Variants in GPR158 observed in about 807,000 individuals in gnomAD.
GPR158 encodes G protein-coupled receptor 158.
In GPR158, 30 loss-of-function variants were observed where a neutral mutation model predicts 78.2. The observed-to-expected ratio is 0.38, with a 90% CI of 0.29 to 0.52. The LOEUF is 0.52. GPR158 is among the 20% of genes least tolerant of loss of function. The pLI is 0.83. For missense variants in GPR158, 1,463 were observed against 1,523.5 expected (o/e 0.96, Z 0.66); for synonymous variants, 581 against 591.1 (o/e 0.98, Z 0.25).
intron 2 of GPR158, among the ~76,000 whole-genome samples, chr10:25,345,119 A>G (rs2130511189): frequency 6.6e-6 from 1 of 152,110 alleles, no homozygotes; most frequent in East Asian, 2.0e-4. Context: ...TCATTTGCCA[A>G]GTAACTAAGG....
chr10:25,387,417 T>G (rs1013112703), intron 2 of GPR158, among the ~76,000 whole-genome samples: 31 of 152,224 alleles, frequency 2.0e-4, no homozygotes, highest in Non-Finnish European at 3.7e-4. Context: ...CAGGAATACT[T>G]GTCTATTGTT....
intron 2 of GPR158, among the ~76,000 whole-genome samples, chr10:25,299,838 T>A (rs1433701870): frequency 6.6e-6 from 1 of 152,166 alleles, no homozygotes; most frequent in African/African-American, 2.4e-5. Context: ...TTATTTTTAT[T>A]TTTTTTGAGT....
chr10:25,367,434 T>G (rs1199854056), intron 2 of GPR158, among the ~76,000 whole-genome samples: 1 of 151,806 alleles, frequency 6.6e-6, no homozygotes, highest in Non-Finnish European at 1.5e-5. Context: ...CCCCCAGTTT[T>G]CCTTTGTTCT....
intron 2 of GPR158, among the ~76,000 whole-genome samples, chr10:25,309,438 G>T (rs953397030): frequency 3.9e-5 from 6 of 151,918 alleles, no homozygotes; most frequent in Admixed American, 3.9e-4. Flanking sequence ...AGAGTTTTCT[G>T]TATATTCTGG....
intron 5 of GPR158, among the ~76,000 whole-genome samples, chr10:25,505,594 G>A (rs1409876294): frequency 6.6e-6 from 1 of 152,104 alleles, no homozygotes; most frequent in Non-Finnish European, 1.5e-5. Context: ...CCTCTCAGTG[G>A]CATCTTATCA....
intron 2 of GPR158, among the ~76,000 whole-genome samples, chr10:25,372,550 C>G (rs1165125049): frequency 1.4e-5 from 2 of 146,886 alleles, no homozygotes; most frequent in Non-Finnish European, 3.0e-5. Context: ...GAGTTCATGT[C>G]CTTTGTAGGG....
chr10:25,492,839 TTA>T (rs896977617), intron 5 of GPR158, among the ~76,000 whole-genome samples: 1 of 149,314 alleles, frequency 6.7e-6, no homozygotes, highest in African/African-American at 2.4e-5. Flanking sequence ...TTGATACTAA[TTA>T]TATGTATTTT....
rs1276775466 is a variant in GPR158, at chr10:25,176,528, T to C, written c.902+206T>C. ...CCCCACGCCCGTCAGCTTCCGGCGC[T>C]CGGCGAAAGCCATTCATTCTCTCGG... On this transcript the variant is annotated intron_variant, in intron 1 of 10. Coordinates refer to ENST00000376351, the MANE Select transcript of GPR158 (RefSeq NM_020752.3). The surrounding 1 kb of genome is among the most constrained non-coding windows in gnomAD (Gnocchi z 6.3). Among the ~76,000 whole-genome samples, 1 of 152,134 alleles carries C rather than the reference T, an allele frequency of 6.6e-6. No individual in the cohort carries two copies. Among genetic ancestry groups the C allele is most frequent in the African/African-American group, 2.4e-5 (1 of 41,434 alleles).
intron 2 of GPR158, among the ~76,000 whole-genome samples, chr10:25,345,724 A>C (rs1855363067): frequency 6.6e-6 from 1 of 151,918 alleles, no homozygotes; most frequent in Non-Finnish European, 1.5e-5. Context: ...TTTTCACATC[A>C]GCTATGGACG....
At position 25,512,628 on chromosome 10, in the gene GPR158, C is replaced by T. The variant is rs186025196; in HGVS notation, c.1405-38348C>T. ...TGTTCCAGTTCTCAGGGGGAATGCT[C>T]TCAACTTTTCCCTGTTCGGTATAAT... On this transcript the variant is annotated intron_variant, in intron 5 of 10. Transcript: ENST00000376351. Among the ~76,000 whole-genome samples, 375 of 152,186 alleles carry T rather than the reference C, an allele frequency of 2.5e-3. 4 individuals carry two copies. The highest frequency in any genetic ancestry group is 8.7e-3 in the African/African-American group (360 of 41,504).
At chr10:25,509,700 C>A (rs940638929) in intron 5 of GPR158, among the ~76,000 whole-genome samples, 1 of 152,192 alleles carries the variant, frequency 6.6e-6, no homozygotes, top group East Asian at 1.9e-4. Flanking sequence ...AGCTGTATTG[C>A]CTTTTATTTT....
chr10:25,483,318 A>G lies in GPR158; in HGVS notation c.1404+16599A>G, dbSNP rs148347256. 2.1e-3 allele frequency among the ~76,000 whole-genome samples: 326 copies of G among 152,122 alleles called. 2 individuals are homozygous for G. The highest frequency in any genetic ancestry group is 7.4e-3 in the African/African-American group (307 of 41,520). On this transcript the variant is annotated intron_variant, in intron 5 of 10. Coordinates refer to ENST00000376351, the MANE Select transcript of GPR158 (RefSeq NM_020752.3). The stretch of plus-strand genomic sequence containing the variant: ...TAACACTGGGCTCTTCATTGTTCTC[A>G]AACCGACCAGGCACAATCCCACCTC...
chr10:25,352,596 A>T (rs549290158), intron 2 of GPR158, among the ~76,000 whole-genome samples: 24 of 152,030 alleles, frequency 1.6e-4, no homozygotes, highest in Non-Finnish European at 2.7e-4. Context: ...ATCAGAGTCT[A>T]TATGAATATC....
intron 2 of GPR158, among the ~76,000 whole-genome samples, chr10:25,352,535 CTT>C (rs758934488): frequency 3.9e-5 from 5 of 129,564 alleles, no homozygotes; most frequent in Admixed American, 1.4e-4. Context: ...GCAGAGATGA[CTT>C]TTGCTGATTG....
At chr10:25,434,001 T>TAA (rs1383555465) in intron 4 of GPR158, among the ~76,000 whole-genome samples, 1 of 151,628 alleles carries the variant, frequency 6.6e-6, no homozygotes, top group African/African-American at 2.4e-5. Flanking sequence ...CTACTAAAAA[T>TAA]AAAAAAAATT....
At chr10:25,241,185 CT>C (rs1564399425) in intron 2 of GPR158, among the ~76,000 whole-genome samples, 39 of 78,750 alleles carry the variant, frequency 5.0e-4, no homozygotes, top group African/African-American at 1.9e-3. Flanking sequence ...TTCTTTCTTT[CT>C]TTCCTTTCTT....
chr10:25,495,392 A>G (rs1358851896), intron 5 of GPR158, among the ~76,000 whole-genome samples: 1 of 137,018 alleles, frequency 7.3e-6, no homozygotes, highest in African/African-American at 2.7e-5. Context: ...TCCCAGGTTC[A>G]CACCATTCTC....
At chr10:25,186,350 A>G (rs1321197210) in intron 1 of GPR158, among the ~76,000 whole-genome samples, 16 of 152,098 alleles carry the variant, frequency 1.1e-4, no homozygotes, top group Non-Finnish European at 1.8e-4. Context: ...AAAGCTAGCT[A>G]AAGGCAAGAA....
chr10:25,484,099 T>C (rs1299840731), intron 5 of GPR158, among the ~76,000 whole-genome samples: 1 of 152,190 alleles, frequency 6.6e-6, no homozygotes, highest in Admixed American at 6.6e-5. Context: ...CTATGTAATC[T>C]GGCTGTTCTT....
Sources: allele counts gnomAD v4.1 joint callset (sites outside exome capture counted in the v4.1 genomes callset), GRCh38; gene constraint gnomAD v4.1.1; non-coding constraint Gnocchi (gnomAD v3.1); transcripts MANE v1.5; gene names NCBI Gene and HGNC (gene_info 2026-07-23, HGNC 2026-07-21).